The following HLF variants were observed in gnomAD, a reference collection of about 807,000 sequenced individuals.
HLF encodes HLF transcription factor, PAR bZIP family member.
HLF carries 3 observed loss-of-function variants against 22.6 expected under a neutral mutation model. The observed-to-expected ratio is 0.13, with a 90% confidence interval of 0.06 to 0.34. HLF has a LOEUF of 0.34. Ranked by LOEUF, HLF falls within the 10% of genes least tolerant of loss-of-function variation. The pLI is 1.00. For synonymous variants in HLF, 151 were observed against 151.8 expected (o/e 0.99, Z 0.04); for missense variants, 299 against 389.2 (o/e 0.77, Z 1.95).
intron 2 of HLF, among the ~76,000 whole-genome samples, chr17:55,292,543 T>C (rs937620082): frequency 2.0e-5 from 3 of 152,082 alleles, no homozygotes; most frequent in African/African-American, 7.2e-5. Context: ...TTATATGCAC[T>C]GGGAAACCAA....
chr17:55,275,649 C>T (rs1019335620), intron 2 of HLF, among the ~76,000 whole-genome samples: 5 of 152,182 alleles, frequency 3.3e-5, no homozygotes, highest in Admixed American at 2.6e-4. Flanking sequence ...CCAAGGGGTT[C>T]TTTAATGAGT....
chr17:55,307,940 T>C (rs777270806), intron 2 of HLF, among the ~76,000 whole-genome samples: 11 of 151,706 alleles, frequency 7.3e-5, no homozygotes, highest in Non-Finnish European at 1.3e-4. Flanking sequence ...CTACATAACG[T>C]AGGAGGACTA....
At chr17:55,269,132 A>G (rs1344491129) in intron 2 of HLF, among the ~76,000 whole-genome samples, 1 of 152,160 alleles carries the variant, frequency 6.6e-6, no homozygotes, top group Non-Finnish European at 1.5e-5. Context: ...TCTTGTAGAA[A>G]TTTCTGTGGC....
rs943675280 is a variant in HLF at position 55,324,806 on chromosome 17, TGTGC to T, written c.*3932_*3935del. ...AAGTGTAAGAGTGTGTGTGTGTGTG[TGTGC>T]GTGCATGTGTGTGTGTGTGTATGTG... On this transcript the variant is annotated 3_prime_UTR_variant, in exon 4 of 4. Transcript: ENST00000226067. 20 of 229,170 alleles carry T rather than the reference TGTGC, an allele frequency of 8.7e-5. No homozygotes were observed. Among genetic ancestry groups the T allele is most frequent in the African/African-American group, 4.4e-4 (20 of 45,026 alleles). The allele number at this position is 229,170 out of a possible 1,614,324, so 14.2% of individuals were successfully genotyped here.
chr17:55,307,807 G>T (rs1196317870), intron 2 of HLF, among the ~76,000 whole-genome samples: 1 of 144,198 alleles, frequency 6.9e-6, no homozygotes, highest in Non-Finnish European at 1.5e-5. Flanking sequence ...AAAAAAGATC[G>T]TTTGGGATGG....
chr17:55,308,581 A>G (rs1178274653), intron 2 of HLF, among the ~76,000 whole-genome samples: 1 of 152,172 alleles, frequency 6.6e-6, no homozygotes, highest in East Asian at 1.9e-4. Context: ...TTTATTTACA[A>G]AGGCCCAAGT....
chr17:55,297,828 C>T (rs568771276), intron 2 of HLF, among the ~76,000 whole-genome samples: 28 of 143,946 alleles, frequency 1.9e-4, no homozygotes, highest in Admixed American at 4.4e-4. Flanking sequence ...CAGCTCACTG[C>T]AACCTCTGCC....
intron 2 of HLF, among the ~76,000 whole-genome samples, chr17:55,302,410 C>T (rs923162991): frequency 2.0e-5 from 3 of 152,192 alleles, no homozygotes; most frequent in African/African-American, 7.2e-5. Flanking sequence ...AGCTGCAGAA[C>T]AGCAGATACA....
chr17:55,287,792 TC>T (rs1396768589), intron 2 of HLF, among the ~76,000 whole-genome samples: 1 of 152,246 alleles, frequency 6.6e-6, no homozygotes, highest in African/African-American at 2.4e-5. Context: ...CCTTGTGGAC[TC>T]CCTGTTGTTG....
chr17:55,299,935 C>T (rs567798468), intron 2 of HLF, among the ~76,000 whole-genome samples: 25 of 152,206 alleles, frequency 1.6e-4, no homozygotes, highest in Admixed American at 5.9e-4. Flanking sequence ...TGGGCTCAAG[C>T]GATCCTCCCA....
intron 3 of HLF, among the ~76,000 whole-genome samples, chr17:55,318,799 CAAAT>C (rs1175250409): frequency 6.6e-6 from 1 of 152,058 alleles, no homozygotes; most frequent in Non-Finnish European, 1.5e-5. Flanking sequence ...TATCAAAACA[CAAAT>C]AACTTCCATC....
At chr17:55,295,447 A>G (rs1485227556) in intron 2 of HLF, among the ~76,000 whole-genome samples, 1 of 152,270 alleles carries the variant, frequency 6.6e-6, no homozygotes, top group African/African-American at 2.4e-5. Flanking sequence ...GATGGCTAAT[A>G]TTCAGAGGGG....
intron 2 of HLF, among the ~76,000 whole-genome samples, chr17:55,295,373 T>C (rs571163639): frequency 2.0e-5 from 3 of 152,360 alleles, no homozygotes; most frequent in South Asian, 4.1e-4. Flanking sequence ...CAGAATGTTA[T>C]GGGACATTGG....
At chr17:55,306,880 C>T (rs1052473853) in intron 2 of HLF, among the ~76,000 whole-genome samples, 2 of 151,770 alleles carry the variant, frequency 1.3e-5, no homozygotes, top group East Asian at 1.9e-4. Flanking sequence ...TCTTTCTCTT[C>T]CTTTCCTCCC....
intron 2 of HLF, among the ~76,000 whole-genome samples, chr17:55,299,427 T>C (rs1229751449): frequency 6.6e-6 from 1 of 151,942 alleles, no homozygotes; most frequent in African/African-American, 2.4e-5. Flanking sequence ...ACATACACTC[T>C]CCAGACATGA....
intron 1 of HLF, among the ~76,000 whole-genome samples, chr17:55,266,061 G>T (rs974941000): frequency 1.3e-5 from 2 of 152,020 alleles, no homozygotes; most frequent in African/African-American, 4.8e-5. Flanking sequence ...TTTTGGGGTT[G>T]TGTTACAGCT....
intron 2 of HLF, among the ~76,000 whole-genome samples, chr17:55,309,946 G>T (rs1029241651): frequency 6.6e-6 from 1 of 152,232 alleles, no homozygotes; most frequent in African/African-American, 2.4e-5. Flanking sequence ...GAGTGCTGCT[G>T]TTCCCCTTCA....
Position 55,265,563 on chromosome 17 carries a change from G to C in HLF, c.79G>C (p.Glu27Gln). ...CTACGGCGTGCTCAGGTCCCTGCTG[G>C]AGAACCCGCTGAAGCTCCCCCTTCA... ...PPYGVLRSLL[E>Q]NPLKLPLHHE... The change falls in exon 1 of 4, where the codon GAG (glutamate) becomes CAG (glutamine). Residue 27 changes from glutamate (E) to glutamine (Q), a missense_variant. Physicochemically the swap from Glu to Gln is conservative, Grantham distance 29. This residue lies in a region of HLF where 72 missense variants were observed against 74.0 expected (regional missense o/e 0.97). Transcript: ENST00000226067. 6.2e-7 allele frequency: 1 copy of C among 1,607,606 alleles called. No homozygotes were observed. Among genetic ancestry groups the C allele is most frequent in the Non-Finnish European group, 8.5e-7 (1 of 1,177,354 alleles).
rs1199953877 is a variant in HLF at position 55,321,033 on chromosome 17, G to T, written c.*154G>T. On this transcript the variant is annotated 3_prime_UTR_variant, in exon 4 of 4. Transcript: ENST00000226067. The stretch of plus-strand genomic sequence containing the variant: ...TTGGTGTGCATCTGTGTGTGTGTGC[G>T]TGTATATGTGCTTGTGCTCATGTGT... The T allele has an allele frequency of 3.2e-6, 2 of 628,002 alleles. No homozygotes were observed. The highest frequency in any genetic ancestry group is 2.9e-6 in the Non-Finnish European group (1 of 350,442). The allele number at this position is 628,002 out of a possible 1,614,324, so 38.9% of individuals were successfully genotyped here.
Sources: allele counts gnomAD v4.1 joint callset (sites outside exome capture counted in the v4.1 genomes callset), GRCh38; gene constraint gnomAD v4.1.1; regional missense constraint gnomAD v4.1.1; transcripts MANE v1.5; gene names NCBI Gene and HGNC (gene_info 2026-07-23, HGNC 2026-07-21).